Variants in LRRC74A observed in about 807,000 individuals in gnomAD.
LRRC74A encodes leucine rich repeat containing 74A, also known as leucine-rich repeat-containing protein 74A.
A neutral mutation model predicts 57.9 loss-of-function variants in LRRC74A; 44 were observed. That is an observed-to-expected ratio of 0.76 (90% CI 0.60 to 0.98). LRRC74A has a LOEUF of 0.98. LRRC74A is among the 50% of genes least tolerant of loss of function. LRRC74A has a pLI of 0.00. For missense variants in LRRC74A, 572 were observed against 574.0 expected (o/e 1.00, Z 0.04); for synonymous variants, 211 against 219.4 (o/e 0.96, Z 0.34).
intron 11 of LRRC74A, among the ~76,000 whole-genome samples, chr14:76,863,600 T>G (rs903976644): frequency 6.6e-6 from 1 of 152,186 alleles, no homozygotes; most frequent in African/African-American, 2.4e-5. Context: ...GGCTTCACCC[T>G]TGCATTGCAA....
intron 1 of LRRC74A, 42 bp from the exon 2 acceptor site, chr14:76,828,249 A>C: frequency 6.4e-7 from 1 of 1,551,530 alleles, no homozygotes; most frequent in Non-Finnish European, 8.7e-7. Context: ...GAGGCCAGCA[A>C]GTTTTATTCC....
intron 5 of LRRC74A, among the ~76,000 whole-genome samples, chr14:76,842,534 C>T (rs554720213): frequency 6.6e-6 from 1 of 152,164 alleles, no homozygotes; most frequent in African/African-American, 2.4e-5. Context: ...GTATCTGTAA[C>T]CACTGATTTA....
intron 9 of LRRC74A, 55 bp from the exon 10 acceptor site, chr14:76,857,324 TG>T: frequency 8.9e-7 from 1 of 1,127,920 alleles, no homozygotes; most frequent in Non-Finnish European, 1.3e-6. Context: ...AACTGTGCTC[TG>T]GGCCAGCCTC....
intron 9 of LRRC74A, among the ~76,000 whole-genome samples, chr14:76,854,191 G>A (rs1467406305): frequency 1.3e-5 from 2 of 152,198 alleles, no homozygotes; most frequent in East Asian, 3.8e-4. Flanking sequence ...CCGTCTAGGG[G>A]ACCTGCTCCC....
intron 2 of LRRC74A, chr14:76,828,772 A>G (rs758562270): frequency 1.7e-4 from 76 of 440,780 alleles, no homozygotes; most frequent in Non-Finnish European, 2.9e-4. Flanking sequence ...CATCTTTGCC[A>G]GTTTTCAACA....
At chr14:76,869,781 G>T (rs1053935588) in intron 13 of LRRC74A, among the ~76,000 whole-genome samples, 2 of 147,720 alleles carry the variant, frequency 1.4e-5, no homozygotes, top group African/African-American at 5.0e-5. Context: ...AAAAAGAAAA[G>T]AAAAAAAATT....
intron 11 of LRRC74A, among the ~76,000 whole-genome samples, chr14:76,865,013 G>A (rs1413818742): frequency 6.6e-6 from 1 of 152,222 alleles, no homozygotes; most frequent in Non-Finnish European, 1.5e-5. Flanking sequence ...ATTGATGTCA[G>A]ATAGATAGTT....
chr14:76,845,753 G>C (rs896602664), intron 7 of LRRC74A, among the ~76,000 whole-genome samples: 2 of 152,252 alleles, frequency 1.3e-5, no homozygotes, highest in Non-Finnish European at 2.9e-5. Context: ...GGGCGTGGTG[G>C]CTTACGCCTG....
chr14:76,854,410 C>A (rs568617589), intron 9 of LRRC74A, among the ~76,000 whole-genome samples: 1 of 152,328 alleles, frequency 6.6e-6, no homozygotes, highest in East Asian at 1.9e-4. Flanking sequence ...CAGTTTAAGA[C>A]CAGCCTGGCC....
intron 12 of LRRC74A, among the ~76,000 whole-genome samples, chr14:76,866,453 A>T (rs1898801876): frequency 6.6e-6 from 1 of 152,180 alleles, no homozygotes; most frequent in South Asian, 2.1e-4. Context: ...ATTTTCCTGA[A>T]ATCTCACATT....
Position 76,853,270 on chromosome 14 carries a change from GTGGCTC to G in LRRC74A, c.822_827del (p.Ala276_Leu277del). 1 of 1,613,714 alleles carries G rather than the reference GTGGCTC, an allele frequency of 6.2e-7. No individual in the cohort carries two copies. The highest frequency in any genetic ancestry group is 8.5e-7 in the Non-Finnish European group (1 of 1,179,644). ...CTCCATGAATGGCTTTGGGAATGAG[GTGGCTC>G]TGGCCCTAGGGGAAGTCCTCCGACT... On this transcript the variant is annotated inframe_deletion, in exon 9 of 14. Coordinates refer to ENST00000689127, the MANE Select transcript of LRRC74A (RefSeq NM_001385106.1).
chr14:76,844,982 C>A, intron 7 of LRRC74A, 81 bp downstream of exon 7: 1 of 739,526 alleles, frequency 1.4e-6, no homozygotes, highest in East Asian at 2.6e-5. Flanking sequence ...CCCTTTTAAA[C>A]ATGATTTTTA....
At chr14:76,853,433 GTGTGT>G (rs754286957) in intron 9 of LRRC74A, 23 bp downstream of exon 9, 7 of 875,560 alleles carry the variant, frequency 8.0e-6, no homozygotes, top group East Asian at 4.6e-5. Flanking sequence ...TGGAAAGGGT[GTGTGT>G]GTGTGTGTGT....
At chr14:76,867,475 A>AG in intron 13 of LRRC74A, 37 bp downstream of exon 13, 1 of 1,157,202 alleles carries the variant, frequency 8.6e-7, no homozygotes, top group Non-Finnish European at 1.3e-6. Flanking sequence ...CGTTCTCTGC[A>AG]AGGGGCCCTG....
At chr14:76,859,263 G>A (rs1380369838) in intron 10 of LRRC74A, among the ~76,000 whole-genome samples, 1 of 152,098 alleles carries the variant, frequency 6.6e-6, no homozygotes, top group Non-Finnish European at 1.5e-5. Context: ...TCTCAGGCGC[G>A]GTGACTCACG....
At chr14:76,867,294 G>A in intron 12 of LRRC74A, 62 bp from the exon 13 acceptor site, 2 of 541,400 alleles carry the variant, frequency 3.7e-6, no homozygotes, top group Non-Finnish European at 6.6e-6. Context: ...GTTTGGGGGG[G>A]TGTGCCTAGG....
chr14:76,846,398 C>A (rs370726463), intron 7 of LRRC74A, among the ~76,000 whole-genome samples: 60 of 152,288 alleles, frequency 3.9e-4, no homozygotes, highest in African/African-American at 1.2e-3. Context: ...GAAATTCCCT[C>A]CCATCAAGGG....
At chr14:76,849,041 C>T (rs566797437) in intron 7 of LRRC74A, among the ~76,000 whole-genome samples, 1 of 152,228 alleles carries the variant, frequency 6.6e-6, no homozygotes, top group Non-Finnish European at 1.5e-5. Flanking sequence ...TATAAAATAC[C>T]ATGCAGGAGG....
At chr14:76,864,480 C>A in intron 11 of LRRC74A, among the ~76,000 whole-genome samples, 1 of 150,120 alleles carries the variant, frequency 6.7e-6, no homozygotes, top group Non-Finnish European at 1.5e-5. Context: ...TAAAAAGGAC[C>A]CAAAAGAATA....
Sources: gnomAD v4.1 joint callset for allele counts (sites outside exome capture counted in the v4.1 genomes callset) on GRCh38, gnomAD v4.1.1 for gene constraint, MANE v1.5 for transcripts, NCBI Gene and HGNC (gene_info 2026-07-23, HGNC 2026-07-21) for gene names.